The following SUCLG2 variants were observed in gnomAD, a reference collection of about 807,000 sequenced individuals.
SUCLG2 encodes succinate-CoA ligase GDP-forming subunit beta, also known as succinate--CoA ligase [GDP-forming] subunit beta, mitochondrial.
In SUCLG2, 42 loss-of-function variants were observed where a neutral mutation model predicts 47.9. That is an observed-to-expected ratio of 0.88 (90% CI 0.69 to 1.14). The LOEUF (loss-of-function observed/expected upper bound fraction) is 1.14. Among genes scored for constraint, SUCLG2 ranks in the 50% most tolerant of loss-of-function variants. The pLI is 0.00. For missense variants in SUCLG2, 571 were observed against 525.9 expected, an observed-to-expected ratio of 1.09 and a Z score of -0.84; for synonymous variants, 195 against 197.3, an observed-to-expected ratio of 0.99 and a Z score of 0.10.
At chr3:67,424,810 G>T (rs1178734489) in intron 9 of SUCLG2, among the ~76,000 whole-genome samples, 3 of 152,074 alleles carry the variant, frequency 2.0e-5, no homozygotes, top group Non-Finnish European at 4.4e-5. Context: ...AGAAGTGGCA[G>T]CAGCATTCCT....
intron 10 of SUCLG2, among the ~76,000 whole-genome samples, chr3:67,394,220 C>T (rs2106797655): frequency 6.6e-6 from 1 of 152,218 alleles, no homozygotes; most frequent in Admixed American, 6.5e-5. Flanking sequence ...GATCAAACTA[C>T]TCCGAGCTAC....
At chr3:67,616,381 T>C (rs565789874) in intron 1 of SUCLG2, among the ~76,000 whole-genome samples, 1 of 152,188 alleles carries the variant, frequency 6.6e-6, no homozygotes, top group East Asian at 1.9e-4. Context: ...CAGAAGAACA[T>C]ATATTAGACA....
intron 10 of SUCLG2, among the ~76,000 whole-genome samples, chr3:67,389,316 G>C (rs1702327598): frequency 6.6e-6 from 1 of 152,162 alleles, no homozygotes; most frequent in African/African-American, 2.4e-5. Flanking sequence ...AGATGAAGCT[G>C]CAACACTGGA....
chr3:67,479,968 T>C (rs1241386058), intron 9 of SUCLG2, among the ~76,000 whole-genome samples: 1 of 152,204 alleles, frequency 6.6e-6, no homozygotes, highest in East Asian at 1.9e-4. Flanking sequence ...TTAGAATGGA[T>C]ACAGTCCTCT....
At chr3:67,651,325 T>C (rs1021587945) in intron 1 of SUCLG2, among the ~76,000 whole-genome samples, 1 of 152,134 alleles carries the variant, frequency 6.6e-6, no homozygotes, top group African/African-American at 2.4e-5. Context: ...CTACTACCAC[T>C]TTCCCCCTCT....
chr3:67,612,365 C>G (rs2044785), intron 1 of SUCLG2, among the ~76,000 whole-genome samples: 1 of 148,060 alleles, frequency 6.8e-6, no homozygotes, highest in South Asian at 2.1e-4. Context: ...TCTCAAAAAA[C>G]AAAAAAAAAT....
intron 1 of SUCLG2, among the ~76,000 whole-genome samples, chr3:67,615,552 T>G (rs1559597896): frequency 2.0e-5 from 3 of 148,358 alleles, no homozygotes; most frequent in African/African-American, 5.0e-5. Flanking sequence ...AAATAGAAAC[T>G]CAAACAAAAC....
intron 2 of SUCLG2, among the ~76,000 whole-genome samples, chr3:67,566,112 C>A (rs1030919404): frequency 6.6e-6 from 1 of 152,204 alleles, no homozygotes; most frequent in African/African-American, 2.4e-5. Flanking sequence ...CAACGACAAG[C>A]ACTTGAGTGA....
intron 2 of SUCLG2, among the ~76,000 whole-genome samples, chr3:67,570,068 A>C (rs1471460540): frequency 6.6e-6 from 1 of 152,198 alleles, no homozygotes; most frequent in African/African-American, 2.4e-5. Context: ...TCCTTATAAG[A>C]AGTGGGAGAG....
chr3:67,440,932 T>G (rs1017564682), intron 9 of SUCLG2, among the ~76,000 whole-genome samples: 3 of 152,220 alleles, frequency 2.0e-5, no homozygotes, highest in Non-Finnish European at 4.4e-5. Flanking sequence ...TGCACACTTA[T>G]GTTTACTGCA....
chr3:67,402,340 C>T (rs931856036), intron 9 of SUCLG2, among the ~76,000 whole-genome samples: 11 of 152,178 alleles, frequency 7.2e-5, no homozygotes, highest in African/African-American at 2.7e-4. Flanking sequence ...CAGTAGACTG[C>T]AGCTCATGTT....
At chr3:67,485,060 G>T (rs528943966) in intron 9 of SUCLG2, among the ~76,000 whole-genome samples, 19 of 152,180 alleles carry the variant, frequency 1.2e-4, no homozygotes, top group Non-Finnish European at 2.4e-4. Flanking sequence ...TGAACAGGAA[G>T]ATATTAAACT....
chr3:67,473,025 C>T (rs1704642618), intron 9 of SUCLG2, among the ~76,000 whole-genome samples: 1 of 151,974 alleles, frequency 6.6e-6, no homozygotes, highest in South Asian at 2.1e-4. Flanking sequence ...CATAAAATGA[C>T]TTCAGTATGT....
At chr3:67,517,806 C>A (rs993574341) in intron 6 of SUCLG2, among the ~76,000 whole-genome samples, 1 of 152,060 alleles carries the variant, frequency 6.6e-6, no homozygotes, top group Admixed American at 6.5e-5. Context: ...TAAGAACAGA[C>A]CTTTATGGAG....
In SUCLG2 at chr3:67,625,733, C is replaced by A. The variant is rs549971823; in HGVS notation, c.85-16137G>T. 2.6e-5 allele frequency among the ~76,000 whole-genome samples: 4 copies of A among 152,252 alleles called. No individual in the cohort carries two copies. In the South Asian group the frequency reaches 8.3e-4, roughly 32 times the overall value. Reference sequence around the variant, plus strand: ...AATGAACTGAGGCCTTGAGAACAAGCCCCCTCCCAAAAGCAATCTGCTGAA... The same window carrying A: ...AATGAACTGAGGCCTTGAGAACAAGACCCCTCCCAAAAGCAATCTGCTGAA... On this transcript the variant is annotated intron_variant, in intron 1 of 10. Transcript: ENST00000307227.
At chr3:67,626,913 CA>C (rs35290770) in intron 1 of SUCLG2, among the ~76,000 whole-genome samples, 152 of 42,100 alleles carry the variant, frequency 3.6e-3, no homozygotes, top group South Asian at 9.6e-3. Context: ...GACTCCGTCT[CA>C]AAAAAAAAAA....
rs143235359 is a variant in SUCLG2, at chr3:67,364,638, C to T, written c.1184-3870G>A. On this transcript the variant is annotated intron_variant, in intron 10 of 10. Coordinates refer to the SUCLG2 transcript ENST00000493112. ...GAAGGCCACCTGGTTGTCCACCCAA[C>T]ATGGCAGCAGTGAGGTATCTCCTTC... Among the ~76,000 whole-genome samples, 250 of 152,336 alleles carry T rather than the reference C, an allele frequency of 1.6e-3. 1 individual carries two copies. Among genetic ancestry groups the T allele is most frequent in the Non-Finnish European group, 2.8e-3 (192 of 68,032 alleles).
At chr3:67,456,468 A>T (rs1704189124) in intron 9 of SUCLG2, among the ~76,000 whole-genome samples, 1 of 152,168 alleles carries the variant, frequency 6.6e-6, no homozygotes, top group Non-Finnish European at 1.5e-5. Flanking sequence ...GAACACACTG[A>T]ATTGAATATA....
intron 1 of SUCLG2, among the ~76,000 whole-genome samples, chr3:67,620,365 AC>A (rs571221458): frequency 5.3e-4 from 81 of 152,158 alleles, no homozygotes; most frequent in African/African-American, 2.0e-3. Context: ...CAGATGGATC[AC>A]CTGAGGTCAG....
Sources: allele counts gnomAD v4.1 joint callset (sites outside exome capture counted in the v4.1 genomes callset), GRCh38; gene constraint gnomAD v4.1.1; transcripts MANE v1.5; gene names NCBI Gene and HGNC (gene_info 2026-07-23, HGNC 2026-07-21).